The following PTPRG variants were observed in gnomAD, a reference collection of about 807,000 sequenced individuals.
The protein encoded by PTPRG is receptor-type tyrosine-protein phosphatase gamma.
In PTPRG, 102 loss-of-function variants were observed where a neutral mutation model predicts 165.3. That is an observed-to-expected ratio of 0.62 (90% confidence interval 0.53 to 0.73). PTPRG has a LOEUF of 0.73. PTPRG is among the 30% of genes least tolerant of loss of function. The probability of loss-of-function intolerance (pLI) is 0.00; values close to 1 mark genes in which losing one functional copy is unlikely to be tolerated. For missense variants in PTPRG, 1,866 were observed against 1,861.4 expected, an observed-to-expected ratio of 1.00 and a Z score of -0.05; for synonymous variants, 675 against 669.5, an observed-to-expected ratio of 1.01 and a Z score of -0.13.
intron 12 of PTPRG, among the ~76,000 whole-genome samples, chr3:62,206,912 C>CAA (rs556974355): frequency 0.097 from 3,604 of 37,186 alleles, 511 homozygotes; most frequent in Non-Finnish European, 0.16. Flanking sequence ...GACTCTGTCT[C>CAA]AAAAAAAAAA....
At chr3:61,693,140 T>G (rs942851852) in intron 1 of PTPRG, among the ~76,000 whole-genome samples, 1 of 152,226 alleles carries the variant, frequency 6.6e-6, no homozygotes, top group Non-Finnish European at 1.5e-5. Flanking sequence ...ATATCAGATG[T>G]CTCAGTTTTA....
intron 1 of PTPRG, among the ~76,000 whole-genome samples, chr3:61,628,891 T>C (rs1236313342): frequency 1.3e-5 from 2 of 152,216 alleles, no homozygotes; most frequent in African/African-American, 4.8e-5. Flanking sequence ...TCTCGACTCA[T>C]AAGCATCTTT....
intron 2 of PTPRG, among the ~76,000 whole-genome samples, chr3:61,893,700 G>T (rs573944905): frequency 1.3e-5 from 2 of 152,348 alleles, no homozygotes; most frequent in Admixed American, 6.5e-5. Context: ...AGCTACGTCT[G>T]TGTGTTCACC....
chr3:62,085,368 C>T (rs1295461350), intron 5 of PTPRG, among the ~76,000 whole-genome samples: 1 of 152,112 alleles, frequency 6.6e-6, no homozygotes, highest in African/African-American at 2.4e-5. Context: ...ACCTCTCTTT[C>T]CTGGGGCTCC....
At chr3:61,861,637 A>G (rs2037273280) in intron 2 of PTPRG, among the ~76,000 whole-genome samples, 1 of 152,324 alleles carries the variant, frequency 6.6e-6, no homozygotes, top group South Asian at 2.1e-4. Flanking sequence ...CAGATCAGTC[A>G]CAATAGTTTT....
chr3:61,593,402 A>G (rs1394685924), intron 1 of PTPRG, among the ~76,000 whole-genome samples: 2 of 13,404 alleles, frequency 1.5e-4, no homozygotes, highest in Admixed American at 1.1e-3. Flanking sequence ...ATGAATTGGA[A>G]AAAAAAAAAA....
intron 2 of PTPRG, among the ~76,000 whole-genome samples, chr3:61,861,502 G>A (rs2037270263): frequency 6.6e-6 from 1 of 152,182 alleles, no homozygotes; most frequent in Non-Finnish European, 1.5e-5. Context: ...TCAAAGCTTT[G>A]GAGAAGTGCT....
intron 20 of PTPRG, among the ~76,000 whole-genome samples, chr3:62,270,590 T>C (rs901090698): frequency 6.6e-6 from 1 of 152,102 alleles, no homozygotes; most frequent in African/African-American, 2.4e-5. Flanking sequence ...TACATACTAA[T>C]AGGAAAAAGT....
chr3:61,616,870 T>TG (rs770106069), intron 1 of PTPRG, among the ~76,000 whole-genome samples: 2 of 152,200 alleles, frequency 1.3e-5, no homozygotes, highest in Non-Finnish European at 2.9e-5. Context: ...GCAGGGGTGC[T>TG]GCTCTGTTAA....
intron 1 of PTPRG, among the ~76,000 whole-genome samples, chr3:61,689,897 G>A (rs1488395187): frequency 6.6e-6 from 1 of 152,164 alleles, no homozygotes; most frequent in East Asian, 1.9e-4. Context: ...ACGCATTTTG[G>A]AAATCTCAGT....
At chr3:61,881,420 C>G (rs1275128860) in intron 2 of PTPRG, among the ~76,000 whole-genome samples, 2 of 152,162 alleles carry the variant, frequency 1.3e-5, no homozygotes, top group Non-Finnish European at 2.9e-5. Context: ...GGTGGTGAGT[C>G]AGACGACTGT....
intron 4 of PTPRG, 119 bp from the exon 5 acceptor site, chr3:62,078,044 G>A: frequency 1.6e-6 from 1 of 628,898 alleles, no homozygotes; most frequent in Non-Finnish European, 2.7e-6. Context: ...ATGAACAGGT[G>A]AATAAATTTG....
chr3:62,138,093 G>A (rs1394049406), intron 6 of PTPRG, among the ~76,000 whole-genome samples: 10 of 152,262 alleles, frequency 6.6e-5, no homozygotes, highest in Non-Finnish European at 1.3e-4. Context: ...ATGTTCATTA[G>A]CAGTTCCTGG....
chr3:61,867,859 G>A (rs1454394906), intron 2 of PTPRG, among the ~76,000 whole-genome samples: 2 of 152,210 alleles, frequency 1.3e-5, no homozygotes, highest in Non-Finnish European at 2.9e-5. Flanking sequence ...AGAGTCTCAT[G>A]TGGTGTGTGG....
At chr3:61,864,336 A>G (rs1019217031) in intron 2 of PTPRG, among the ~76,000 whole-genome samples, 3 of 152,118 alleles carry the variant, frequency 2.0e-5, no homozygotes, top group Admixed American at 1.3e-4. Context: ...AAATGTCAAG[A>G]CTTTGTCTTG....
intron 5 of PTPRG, among the ~76,000 whole-genome samples, chr3:62,119,351 C>G (rs1056230151): frequency 6.6e-6 from 1 of 152,214 alleles, no homozygotes; most frequent in African/African-American, 2.4e-5. Context: ...GGAAGGCCTC[C>G]CATGGGAGCC....
intron 1 of PTPRG, among the ~76,000 whole-genome samples, chr3:61,602,515 G>C (rs1700898262): frequency 6.6e-6 from 1 of 152,190 alleles, no homozygotes; most frequent in African/African-American, 2.4e-5. Context: ...TTCAAATTAC[G>C]CCTGTATTGG....
chr3:61,968,831 A>G (rs906823622), intron 2 of PTPRG, among the ~76,000 whole-genome samples: 1 of 152,194 alleles, frequency 6.6e-6, no homozygotes, highest in African/African-American at 2.4e-5. Flanking sequence ...GACTGTGGAA[A>G]GAAAATCTGT....
At chr3:62,065,157 T>TA (rs144366874) in intron 4 of PTPRG, among the ~76,000 whole-genome samples, 4,372 of 152,200 alleles carry the variant, frequency 0.029, 219 homozygotes, top group African/African-American at 0.099. Context: ...TTGATTAGAG[T>TA]AAAAAAATGT....
Sources: allele counts gnomAD v4.1 joint callset (sites outside exome capture counted in the v4.1 genomes callset), GRCh38; gene constraint gnomAD v4.1.1; transcripts MANE v1.5; gene names NCBI Gene and HGNC (gene_info 2026-07-23, HGNC 2026-07-21).